FER: variants seen among roughly 807,000 people sequenced by gnomAD.
The protein encoded by FER is tyrosine-protein kinase Fer.
FER carries 63 observed loss-of-function variants against 111.0 expected under a neutral mutation model. The ratio of observed to expected loss-of-function variants is 0.57; its 90% CI spans 0.46 to 0.70. The LOEUF is 0.70. FER is among the 30% of genes least tolerant of loss of function. The pLI, the probability that FER is intolerant of heterozygous loss-of-function variation, is 0.00. For missense variants in FER, 914 were observed against 954.0 expected (o/e 0.96, Z 0.55); for synonymous variants, 327 against 313.9 (o/e 1.04, Z -0.44).
chr5:108,877,439 C>A (rs371524725), intron 8 of FER, among the ~76,000 whole-genome samples: 66 of 152,288 alleles, frequency 4.3e-4, no homozygotes, highest in African/African-American at 1.5e-3. Context: ...TAGGAGGTGA[C>A]TGTATTTAAC....
chr5:108,981,259 G>T (rs1049459756), intron 13 of FER, among the ~76,000 whole-genome samples: 3 of 151,904 alleles, frequency 2.0e-5, no homozygotes, highest in Non-Finnish European at 4.4e-5. Context: ...ATTTATGGGG[G>T]TCATTGATTT....
intron 13 of FER, chr5:109,014,917 T>C (rs1216154577): frequency 6.6e-6 from 1 of 152,260 alleles, no homozygotes; most frequent in Non-Finnish European, 1.5e-5. Context: ...CCAATTTTAG[T>C]ATATGTGCTG....
chr5:109,009,477 T>C (rs1463094048), intron 13 of FER, among the ~76,000 whole-genome samples: 1 of 152,150 alleles, frequency 6.6e-6, no homozygotes. Context: ...TTACTTAAAT[T>C]TAACTCTCAA....
rs1480001283 is a variant in FER at position 108,979,854 on chromosome 5, T to G, written c.1656+20507T>G. ...GAATAATTACCCTCAGATAGTAGTG[T>G]TCAGTGTTTAGATATGTGCGGGTCA... On this transcript the variant is annotated intron_variant, in intron 13 of 19. Coordinates refer to ENST00000281092, the MANE Select transcript of FER (RefSeq NM_005246.4). Among the ~76,000 whole-genome samples the G allele has an allele frequency of 2.0e-5, 3 of 152,154 alleles. No homozygotes were observed. The East Asian group carries it at 5.8e-4, about 29-fold the overall frequency.
At chr5:108,955,022 C>T in intron 12 of FER, 90 bp downstream of exon 12, 1 of 1,092,838 alleles carries the variant, frequency 9.2e-7, no homozygotes, top group East Asian at 2.6e-5. Context: ...GTGATAAATG[C>T]CTGCAACACT....
chr5:108,957,857 A>C (rs1464796536), intron 12 of FER, among the ~76,000 whole-genome samples: 11 of 151,614 alleles, frequency 7.3e-5, no homozygotes, highest in Admixed American at 7.2e-4. Flanking sequence ...TTCACTAAGG[A>C]ATAAGCTGAG....
chr5:108,831,970 CT>C (rs35137138), intron 3 of FER, among the ~76,000 whole-genome samples: 8,596 of 149,772 alleles, frequency 0.057, 341 homozygotes, highest in Non-Finnish European at 0.082. Context: ...TCCTCTGTTC[CT>C]TTTTTTTTTA....
chr5:108,788,248 C>T (rs1426383300), intron 2 of FER, among the ~76,000 whole-genome samples: 1 of 152,240 alleles, frequency 6.6e-6, no homozygotes, highest in African/African-American at 2.4e-5. Flanking sequence ...AGCGCCTGTG[C>T]TGGTGCCTGC....
chr5:109,111,835 C>T (rs1191841828), intron 17 of FER, among the ~76,000 whole-genome samples: 3 of 152,116 alleles, frequency 2.0e-5, no homozygotes, highest in African/African-American at 7.2e-5. Context: ...ATCAGGTCCT[C>T]CCCCAACATT....
chr5:108,779,308 A>G (rs1029026092), intron 2 of FER, among the ~76,000 whole-genome samples: 3 of 145,474 alleles, frequency 2.1e-5, no homozygotes, highest in Admixed American at 6.8e-5. Context: ...GCCAGCATCT[A>G]TTTACTGATC....
intron 11 of FER, among the ~76,000 whole-genome samples, chr5:108,953,618 A>G (rs576979735): frequency 6.6e-6 from 1 of 152,068 alleles, no homozygotes; most frequent in Non-Finnish European, 1.5e-5. Flanking sequence ...GGTACGAAAC[A>G]ATAAAGGCTA....
chr5:108,798,807 G>C (rs28415902), intron 3 of FER, among the ~76,000 whole-genome samples: 29,296 of 152,030 alleles, frequency 0.19, 3,039 homozygotes, highest in African/African-American at 0.27. Context: ...GTGGGTGACA[G>C]AGTGAGACCC....
chr5:108,865,927 C>T (rs2150230185), intron 5 of FER, among the ~76,000 whole-genome samples: 1 of 152,198 alleles, frequency 6.6e-6, no homozygotes. Flanking sequence ...ATTAAGAAGT[C>T]AGGAAACAAC....
chr5:108,845,041 C>CGT (rs1761847745), intron 5 of FER, among the ~76,000 whole-genome samples: 2 of 46,392 alleles, frequency 4.3e-5, no homozygotes, highest in Non-Finnish European at 8.3e-5. Context: ...TATATATATA[C>CGT]ATATATATAT....
At chr5:108,806,346 AG>A (rs1156681991) in intron 3 of FER, among the ~76,000 whole-genome samples, 4 of 152,204 alleles carry the variant, frequency 2.6e-5, no homozygotes, top group African/African-American at 9.6e-5. Flanking sequence ...AACCTCTGCT[AG>A]GGCAATGTGG....
chr5:109,022,565 A>C (rs2149834264), intron 13 of FER, among the ~76,000 whole-genome samples: 1 of 152,196 alleles, frequency 6.6e-6, no homozygotes, highest in Middle Eastern at 3.4e-3. Context: ...CTTGATATGT[A>C]AGTTTTACAT....
At chr5:108,875,433 C>T (rs1581000830) in intron 8 of FER, among the ~76,000 whole-genome samples, 3 of 152,146 alleles carry the variant, frequency 2.0e-5, no homozygotes, top group African/African-American at 7.2e-5. Flanking sequence ...TTGCCAAATG[C>T]TGAAAGCGTT....
At chr5:109,016,473 G>C (rs1767140977) in intron 13 of FER, among the ~76,000 whole-genome samples, 1 of 152,070 alleles carries the variant, frequency 6.6e-6, no homozygotes. Context: ...TGCAAGCAGT[G>C]TGTGAAGAAA....
chr5:109,152,822 C>T (rs537292370), intron 17 of FER, among the ~76,000 whole-genome samples: 2 of 151,946 alleles, frequency 1.3e-5, no homozygotes, highest in South Asian at 4.2e-4. Flanking sequence ...TATGCACTAC[C>T]TATCTTATTA....
Sources: gnomAD v4.1 joint callset for allele counts (sites outside exome capture counted in the v4.1 genomes callset) on GRCh38, gnomAD v4.1.1 for gene constraint, MANE v1.5 for transcripts, NCBI Gene and HGNC (gene_info 2026-07-23, HGNC 2026-07-21) for gene names.